The following TMEFF2 variants were observed in gnomAD, a reference collection of about 807,000 sequenced individuals.
TMEFF2 encodes the protein tomoregulin-2.
In TMEFF2, 28 loss-of-function variants were observed where a neutral mutation model predicts 53.8. The observed-to-expected ratio is 0.52, with a 90% CI of 0.39 to 0.71. The LOEUF (loss-of-function observed/expected upper bound fraction) is 0.71. Among genes scored for constraint, TMEFF2 ranks in the 30% least tolerant of loss-of-function variants. The pLI is 0.00. For missense variants in TMEFF2, 353 were observed against 455.2 expected (o/e 0.78, Z 2.04); for synonymous variants, 162 against 166.3 (o/e 0.97, Z 0.20).
chr2:192,036,830 T>C (rs577017611), intron 5 of TMEFF2: 2 of 152,214 alleles, frequency 1.3e-5, no homozygotes, highest in Non-Finnish European at 2.9e-5. Flanking sequence ...TTGACTAAAA[T>C]GTCAATCCTC....
In TMEFF2 at chr2:191,949,895, T is replaced by G; in HGVS notation, c.*416A>C. 1.0e-6 allele frequency: 1 copy of G among 992,340 alleles called. No homozygotes were observed. Among genetic ancestry groups the G allele is most frequent in the Non-Finnish European group, 1.2e-6 (1 of 834,192 alleles). 61.5% of individuals were successfully genotyped at this position (992,340 alleles called of 1,614,324 possible). On this transcript the variant is annotated 3_prime_UTR_variant, in exon 10 of 10. Coordinates refer to ENST00000272771, the MANE Select transcript of TMEFF2 (RefSeq NM_016192.4). ...AATCATTCAAAACCTAGCCACTGAG[T>G]CCTGTACGAACTAATGTGCTGTCTC...
chr2:192,023,728 A>C (rs765291935), intron 5 of TMEFF2, among the ~76,000 whole-genome samples: 1 of 152,010 alleles, frequency 6.6e-6, no homozygotes, highest in Non-Finnish European at 1.5e-5. Context: ...AGTTGGGAAA[A>C]TTTCATTAGG....
Position 191,998,300 on chromosome 2 carries a change from TTAGTAG to T in TMEFF2, c.701_706del (p.Thr234_Thr235del), listed in dbSNP as rs1286301824. 6.3e-7 allele frequency: 1 copy of T among 1,599,640 alleles called. No individual in the cohort carries two copies. On this transcript the variant is annotated inframe_deletion, in exon 7 of 10. Transcript: ENST00000272771. The stretch of plus-strand genomic sequence containing the variant: ...TCTTGCATAATGCCCATCTTCAGAC[TTAGTAG>T]TTGTAGTTGTGTTATCTGTGTTAAA...
chr2:192,151,207 T>A (rs947329170), intron 4 of TMEFF2, among the ~76,000 whole-genome samples: 4 of 151,914 alleles, frequency 2.6e-5, no homozygotes, highest in Non-Finnish European at 5.9e-5. Flanking sequence ...CATGAGGAAC[T>A]GTGAGTTAAT....
chr2:192,009,959 T>C (rs35011572), intron 5 of TMEFF2, among the ~76,000 whole-genome samples: 47,281 of 152,120 alleles, frequency 0.31, 8,311 homozygotes, highest in Non-Finnish European at 0.42. Context: ...CCTTGGTAAA[T>C]AGTTTTTGCA....
chr2:192,020,047 C>T (rs1383820314), intron 5 of TMEFF2, among the ~76,000 whole-genome samples: 1 of 152,014 alleles, frequency 6.6e-6, no homozygotes, highest in Non-Finnish European at 1.5e-5. Flanking sequence ...GATGTTCTGC[C>T]ACTAAAATAA....
At chr2:192,013,231 T>C (rs926493100) in intron 5 of TMEFF2, among the ~76,000 whole-genome samples, 2 of 152,102 alleles carry the variant, frequency 1.3e-5, no homozygotes, top group African/African-American at 4.8e-5. Flanking sequence ...TTCTGATCAA[T>C]CTTATACACT....
intron 4 of TMEFF2, among the ~76,000 whole-genome samples, chr2:192,112,374 T>C (rs1689301936): frequency 6.6e-6 from 1 of 152,210 alleles, no homozygotes; most frequent in Non-Finnish European, 1.5e-5. Flanking sequence ...AAGATTTTAC[T>C]GCCCCACTGG....
chr2:192,150,585 C>T (rs997772896), intron 4 of TMEFF2, among the ~76,000 whole-genome samples: 1 of 151,710 alleles, frequency 6.6e-6, no homozygotes, highest in Admixed American at 6.6e-5. Flanking sequence ...CTTTATTCCA[C>T]TATCAGTTCT....
chr2:192,109,143 C>T (rs1016519573), intron 4 of TMEFF2, among the ~76,000 whole-genome samples: 1 of 152,036 alleles, frequency 6.6e-6, no homozygotes, highest in Middle Eastern at 3.2e-3. Context: ...CTGAATTACA[C>T]ACCTAAATAT....
At chr2:192,044,326 G>A (rs1034541351) in intron 5 of TMEFF2, 2 of 152,152 alleles carry the variant, frequency 1.3e-5, no homozygotes, top group African/African-American at 4.8e-5. Flanking sequence ...GCATGTCAGA[G>A]AATGAATTTT....
intron 7 of TMEFF2, among the ~76,000 whole-genome samples, chr2:191,988,956 A>T (rs1432211856): frequency 1.3e-5 from 2 of 152,240 alleles, no homozygotes; most frequent in Non-Finnish European, 2.9e-5. Context: ...CAACGTCACC[A>T]TAAAAAGCAT....
chr2:192,009,296 AAAC>A (rs1686571672), intron 5 of TMEFF2, among the ~76,000 whole-genome samples: 1 of 152,274 alleles, frequency 6.6e-6, no homozygotes, highest in African/African-American at 2.4e-5. Context: ...TGGTATATGA[AAAC>A]AACAAATCCT....
At chr2:191,983,150 A>G (rs1274946124) in intron 7 of TMEFF2, among the ~76,000 whole-genome samples, 1 of 152,188 alleles carries the variant, frequency 6.6e-6, no homozygotes, top group Non-Finnish European at 1.5e-5. Flanking sequence ...ATAATAGACA[A>G]TGGTAGATCA....
At chr2:192,019,786 AT>A (rs1686822180) in intron 5 of TMEFF2, among the ~76,000 whole-genome samples, 1 of 152,052 alleles carries the variant, frequency 6.6e-6, no homozygotes, top group Non-Finnish European at 1.5e-5. Context: ...TAATCAAATA[AT>A]TAGAATAATA....
At chr2:192,054,833 T>C (rs923718118) in intron 5 of TMEFF2, among the ~76,000 whole-genome samples, 1 of 152,200 alleles carries the variant, frequency 6.6e-6, no homozygotes, top group Non-Finnish European at 1.5e-5. Flanking sequence ...CTCAGTTTTC[T>C]CTTTTTAGAG....
intron 5 of TMEFF2, among the ~76,000 whole-genome samples, chr2:192,003,034 C>T (rs1335528605): frequency 6.6e-6 from 1 of 152,100 alleles, no homozygotes; most frequent in African/African-American, 2.4e-5. Context: ...AGACCATGGT[C>T]TGAAACTCTA....
Position 191,949,501 on chromosome 2 carries a change from A to ATTT in TMEFF2, c.*807_*809dup, listed in dbSNP as rs1691803144. On this transcript the variant is annotated 3_prime_UTR_variant, in exon 10 of 10. Coordinates refer to ENST00000272771, the MANE Select transcript of TMEFF2 (RefSeq NM_016192.4). ...GTTTCACATCTAGTGGTGTTATTACATTTTTCCCCTGGTAATTCCACCCAC... is the reference window on the plus strand; with the variant it reads ...GTTTCACATCTAGTGGTGTTATTACATTTTTTTTCCCCTGGTAATTCCACCCAC... 1.0e-6 allele frequency: 1 copy of ATTT among 985,218 alleles called. No individual in the cohort carries two copies. The highest frequency in any genetic ancestry group is 1.7e-5 in the African/African-American group (1 of 57,280). 61.0% of individuals were successfully genotyped at this position (985,218 alleles called of 1,614,324 possible). A position where few individuals can be genotyped will look rare whatever the true frequency, so the allele number is the denominator to read the frequency against.
At chr2:192,122,357 T>C (rs1003564973) in intron 4 of TMEFF2, among the ~76,000 whole-genome samples, 2 of 152,256 alleles carry the variant, frequency 1.3e-5, no homozygotes, top group Non-Finnish European at 2.9e-5. Flanking sequence ...ATAGCTAACC[T>C]CCAGTCTGCT....
Sources: allele counts gnomAD v4.1 joint callset (sites outside exome capture counted in the v4.1 genomes callset), GRCh38; gene constraint gnomAD v4.1.1; transcripts MANE v1.5; gene names NCBI Gene and HGNC (gene_info 2026-07-23, HGNC 2026-07-21).